FBXL17: variants seen among roughly 807,000 people sequenced by gnomAD.
FBXL17 encodes the protein F-box/LRR-repeat protein 17.
In FBXL17, 22 loss-of-function variants were observed where a neutral mutation model predicts 66.2. The ratio of observed to expected loss-of-function variants is 0.33; its 90% CI spans 0.24 to 0.47. The LOEUF (loss-of-function observed/expected upper bound fraction) is 0.47, where lower values mean the gene tolerates loss of function less well. FBXL17 is among the 20% of genes least tolerant of loss of function. The pLI is 1.00. For synonymous variants in FBXL17, 474 were observed against 400.5 expected, an observed-to-expected ratio of 1.18 and a Z score of -2.19; for missense variants, 878 against 948.2, an observed-to-expected ratio of 0.93 and a Z score of 0.97.
At chr5:108,111,076 A>G (rs1229912695) in intron 6 of FBXL17, among the ~76,000 whole-genome samples, 1 of 152,186 alleles carries the variant, frequency 6.6e-6, no homozygotes, top group African/African-American at 2.4e-5. Context: ...CTGAGCAGCA[A>G]AAACTGCTTG....
At chr5:108,091,285 T>C (rs1561405228) in intron 6 of FBXL17, among the ~76,000 whole-genome samples, 1 of 152,390 alleles carries the variant, frequency 6.6e-6, no homozygotes, top group East Asian at 1.9e-4. Context: ...TTAACATTTA[T>C]TGAGTCCTTC....
chr5:107,877,687 C>T (rs1748654284), intron 8 of FBXL17, among the ~76,000 whole-genome samples: 1 of 152,086 alleles, frequency 6.6e-6, no homozygotes, highest in Non-Finnish European at 1.5e-5. Context: ...TGACACCATT[C>T]CTGACCAAGG....
In FBXL17 at chr5:108,381,809, C is replaced by A; in HGVS notation, c.-118G>T. ...GCCCCCGGAGGGGTCGCCCTTCCTG[C>A]GCACACACACGCACACACGGGCACA... On this transcript the variant is annotated 5_prime_UTR_variant, in exon 1 of 9. Coordinates refer to ENST00000542267, the MANE Select transcript of FBXL17 (RefSeq NM_001163315.3). The A allele has an allele frequency of 7.5e-7, 1 of 1,335,208 alleles. No individual in the cohort carries two copies. Among genetic ancestry groups the A allele is most frequent in the Non-Finnish European group, 9.6e-7 (1 of 1,045,802 alleles). 82.7% of individuals were successfully genotyped at this position (1,335,208 alleles called of 1,614,324 possible).
chr5:108,350,515 C>G (rs1166957842), intron 3 of FBXL17, among the ~76,000 whole-genome samples: 1 of 152,060 alleles, frequency 6.6e-6, no homozygotes, highest in African/African-American at 2.4e-5. Flanking sequence ...ACTTGTCCAG[C>G]ATAAATGACA....
rs148417187 is a variant in FBXL17 at position 108,307,963 on chromosome 5, C to T, written c.1506+40436G>A. 1.4e-3 allele frequency among the ~76,000 whole-genome samples: 216 copies of T among 152,136 alleles called. 1 individual carries two copies. Among genetic ancestry groups the T allele is most frequent in the African/African-American group, 5.0e-3 (207 of 41,520 alleles). On this transcript the variant is annotated intron_variant, in intron 4 of 8. Coordinates refer to ENST00000542267, the MANE Select transcript of FBXL17 (RefSeq NM_001163315.3). ...ACAACTTCATTTAAGTAGTGTGTAA[C>T]GGAAAACATAATAAAATATGATACA... is the stretch of plus-strand genomic sequence containing the variant.
At position 108,036,470 on chromosome 5, in the gene FBXL17, C is replaced by T. The variant is rs146938512; in HGVS notation, c.1746-15469G>A. 2.4e-3 allele frequency among the ~76,000 whole-genome samples: 364 copies of T among 152,298 alleles called. 3 individuals carry two copies. Among genetic ancestry groups the T allele is most frequent in the South Asian group, 0.014 (68 of 4,816 alleles). On this transcript the variant is annotated intron_variant, in intron 6 of 8. Coordinates refer to ENST00000542267, the MANE Select transcript of FBXL17 (RefSeq NM_001163315.3). The stretch of plus-strand genomic sequence containing the variant: ...ACATTTGATGCACTTTCTTCATTTA[C>T]ATTCCGTATCTGGCCCTCACAGAAA...
intron 6 of FBXL17, among the ~76,000 whole-genome samples, chr5:108,043,049 T>C (rs1747113223): frequency 6.6e-6 from 1 of 152,232 alleles, no homozygotes; most frequent in Non-Finnish European, 1.5e-5. Flanking sequence ...AATGTCTATG[T>C]CATTTACGCA....
At chr5:108,364,705 A>G (rs764908227) in intron 3 of FBXL17, 33 bp downstream of exon 3, 7 of 1,535,494 alleles carry the variant, frequency 4.6e-6, no homozygotes, top group Non-Finnish European at 5.3e-6. Context: ...TAATTAATTC[A>G]AGTAAAATCA....
chr5:107,968,024 C>A lies in FBXL17; in HGVS notation c.1822+52901G>T, dbSNP rs79862821. On this transcript the variant is annotated intron_variant, in intron 7 of 8. Coordinates refer to ENST00000542267, the MANE Select transcript of FBXL17 (RefSeq NM_001163315.3). ...TTATACTAAGGTATAACGGACAAAA[C>A]TGTACATATTTAAAGGTATAAATAT... 3.5e-4 allele frequency among the ~76,000 whole-genome samples: 54 copies of A among 152,180 alleles called. No individual in the cohort carries two copies. In the East Asian group the frequency reaches 6.6e-3, roughly 19 times the overall value.
intron 6 of FBXL17, among the ~76,000 whole-genome samples, chr5:108,087,678 A>C (rs1749023850): frequency 6.6e-6 from 1 of 151,926 alleles, no homozygotes; most frequent in South Asian, 2.1e-4. Context: ...ATTATAACAC[A>C]CTTTCACATT....
In FBXL17 at chr5:108,380,989, C is replaced by T; in HGVS notation, c.703G>A (p.Gly235Arg). 3.3e-6 allele frequency: 4 copies of T among 1,208,178 alleles called. No individual in the cohort carries two copies. The highest frequency in any genetic ancestry group is 4.1e-6 in the Non-Finnish European group (4 of 972,440). The allele number at this position is 1,208,178 out of a possible 1,614,324, so 74.8% of individuals were successfully genotyped here. Reference sequence around the variant, plus strand: ...GGGGGCCGGGGCGGCGAAGCGCCTCCCCCCGCAGGCCCTCCCCCGCCACCG... The same window carrying T: ...GGGGGCCGGGGCGGCGAAGCGCCTCTCCCCGCAGGCCCTCCCCCGCCACCG... ...GGGGGGGPAGGGASPPRPPDA... is the reference protein window; with the variant it reads ...GGGGGGGPAGRGASPPRPPDA... The change falls in exon 1 of 9, where the codon GGA (glycine) becomes AGA (arginine). Residue 235 changes from glycine to arginine, a missense_variant. Transcript: ENST00000542267.
In FBXL17 at chr5:107,886,108, A is replaced by C. The variant is rs1463133407; in HGVS notation, c.1823-4929T>G. Among the ~76,000 whole-genome samples, 5 of 152,234 alleles carry C rather than the reference A, an allele frequency of 3.3e-5. No homozygotes were observed. In the East Asian group the frequency reaches 9.6e-4, roughly 29 times the overall value. ...GGAAACATGATGTTGACTGTATAAGAGGAAAACCAAAAAGAACTGTAAGCA... is the reference window on the plus strand; with the variant it reads ...GGAAACATGATGTTGACTGTATAAGCGGAAAACCAAAAAGAACTGTAAGCA... On this transcript the variant is annotated intron_variant, in intron 7 of 8. Transcript: ENST00000542267.
intron 6 of FBXL17, among the ~76,000 whole-genome samples, chr5:108,057,158 T>C (rs1417855606): frequency 1.3e-5 from 2 of 152,194 alleles, no homozygotes; most frequent in Non-Finnish European, 2.9e-5. Context: ...TTTGATATAA[T>C]GTAAGATAAA....
intron 4 of FBXL17, among the ~76,000 whole-genome samples, chr5:108,324,280 A>G (rs143386870): frequency 6.6e-6 from 1 of 152,206 alleles, no homozygotes; most frequent in African/African-American, 2.4e-5. Flanking sequence ...TAGAAGAGAC[A>G]TTTATCCAAA....
chr5:107,893,151 A>C (rs1749255727), intron 7 of FBXL17, among the ~76,000 whole-genome samples: 1 of 152,176 alleles, frequency 6.6e-6, no homozygotes, highest in Non-Finnish European at 1.5e-5. Flanking sequence ...AGGTAGAAAA[A>C]GAAAGCACAA....
At chr5:108,214,054 T>C (rs1325295886) in intron 5 of FBXL17, among the ~76,000 whole-genome samples, 2 of 152,172 alleles carry the variant, frequency 1.3e-5, no homozygotes, top group African/African-American at 2.4e-5. Flanking sequence ...AGAAGATACT[T>C]TGAAGGGGTG....
At chr5:107,906,852 A>G (rs1228006425) in intron 7 of FBXL17, among the ~76,000 whole-genome samples, 7 of 152,212 alleles carry the variant, frequency 4.6e-5, no homozygotes, top group Non-Finnish European at 8.8e-5. Flanking sequence ...ATTCATTAAC[A>G]TTATGAAATA....
At chr5:107,882,338 T>A (rs974792624) in intron 7 of FBXL17, among the ~76,000 whole-genome samples, 6 of 149,698 alleles carry the variant, frequency 4.0e-5, no homozygotes, top group Non-Finnish European at 8.9e-5. Context: ...AAATCTTTCT[T>A]TGCTAATTAC....
intron 4 of FBXL17, among the ~76,000 whole-genome samples, chr5:108,266,062 G>A (rs557593146): frequency 8.6e-5 from 13 of 152,000 alleles, no homozygotes; most frequent in Non-Finnish European, 1.5e-4. Context: ...TATAATATAC[G>A]AGTAAGTGTG....
Sources: gnomAD v4.1 joint callset for allele counts (sites outside exome capture counted in the v4.1 genomes callset) on GRCh38, gnomAD v4.1.1 for gene constraint, MANE v1.5 for transcripts, NCBI Gene and HGNC (gene_info 2026-07-23, HGNC 2026-07-21) for gene names.